The following HERPUD2 variants were observed in gnomAD, a reference collection of about 807,000 sequenced individuals.
HERPUD2 encodes the protein homocysteine-responsive endoplasmic reticulum-resident ubiquitin-like domain member 2 protein.
HERPUD2 carries 13 observed loss-of-function variants against 49.9 expected under a neutral mutation model. The observed-to-expected ratio is 0.26, with a 90% CI of 0.17 to 0.41. The LOEUF (loss-of-function observed/expected upper bound fraction) is 0.41, where lower values mean the gene tolerates loss of function less well. HERPUD2 is among the 10% of genes least tolerant of loss of function. The pLI is 1.00. For synonymous variants in HERPUD2, 172 were observed against 171.4 expected (o/e 1.00, Z -0.03); for missense variants, 449 against 492.2 (o/e 0.91, Z 0.83).
intron 6 of HERPUD2, 91 bp downstream of exon 6, chr7:35,638,259 A>C (rs1784902970): frequency 7.8e-7 from 1 of 1,289,092 alleles, no homozygotes; most frequent in Non-Finnish European, 1.1e-6. Context: ...ACATAAACAA[A>C]TGAAATGCCA....
chr7:35,686,675 C>T (rs1363178559), intron 2 of HERPUD2, among the ~76,000 whole-genome samples: 1 of 107,706 alleles, frequency 9.3e-6, no homozygotes, highest in African/African-American at 3.5e-5. Context: ...GCCGAGATCC[C>T]GCCACTGCAC....
rs566214404 is a variant in HERPUD2, at chr7:35,688,159, G to A, written c.147+6025C>T. ...TTTAAAGAGCTGGGTCCCAGGAAGT[G>A]CACAAAATATCATTTCTGTGGGAAA... is the stretch of plus-strand genomic sequence containing the variant. On this transcript the variant is annotated intron_variant, in intron 2 of 8. Coordinates refer to ENST00000311350, the MANE Select transcript of HERPUD2 (RefSeq NM_022373.5). Among the ~76,000 whole-genome samples, 3 of 152,244 alleles carry A rather than the reference G, an allele frequency of 2.0e-5. No homozygotes were observed. The South Asian group carries it at 6.2e-4, about 32-fold the overall frequency.
At chr7:35,689,473 T>G (rs1786135327) in intron 2 of HERPUD2, among the ~76,000 whole-genome samples, 1 of 152,214 alleles carries the variant, frequency 6.6e-6, no homozygotes, top group South Asian at 2.1e-4. Flanking sequence ...TAAAATGACC[T>G]AAGTAAGGTA....
At chr7:35,674,836 G>C (rs1785725987) in intron 2 of HERPUD2, among the ~76,000 whole-genome samples, 1 of 152,046 alleles carries the variant, frequency 6.6e-6, no homozygotes, top group Non-Finnish European at 1.5e-5. Context: ...AGAGTGGATG[G>C]GCCCAGAAAG....
At position 35,638,347 on chromosome 7, in the gene HERPUD2, T is replaced by C; in HGVS notation, c.617+3A>G. On this transcript the variant is annotated splice_donor_region_variant and intron_variant, in intron 6 of 8. Coordinates refer to ENST00000311350, the MANE Select transcript of HERPUD2 (RefSeq NM_022373.5). ...CTTAAAAAATGAACTCAGATTAACT[T>C]ACTACTGCATATAATACTGATGAGC... 6.3e-7 allele frequency: 1 copy of C among 1,585,542 alleles called. No homozygotes were observed. The highest frequency in any genetic ancestry group is 8.6e-7 in the Non-Finnish European group (1 of 1,162,270).
rs544572514 is a variant in HERPUD2 at position 35,694,610 on chromosome 7, T to G, written c.-280A>C. The G allele has an allele frequency of 4.5e-6, 2 of 448,522 alleles. No homozygotes were observed. The highest frequency in any genetic ancestry group is 4.1e-6 in the Non-Finnish European group (1 of 244,232). The allele number at this position is 448,522 out of a possible 1,614,324, so 27.8% of individuals were successfully genotyped here. ...GCCGGGCTCCGGACTGTGGAGGCCGTCGTGAGGAGAAAGGAAGCTATACGA... is the reference window on the plus strand; with the variant it reads ...GCCGGGCTCCGGACTGTGGAGGCCGGCGTGAGGAGAAAGGAAGCTATACGA... On this transcript the variant is annotated 5_prime_UTR_variant, in exon 2 of 9. Coordinates refer to ENST00000311350, the MANE Select transcript of HERPUD2 (RefSeq NM_022373.5).
At chr7:35,645,211 TACTG>T (rs1168313301) in intron 5 of HERPUD2, among the ~76,000 whole-genome samples, 21 of 152,320 alleles carry the variant, frequency 1.4e-4, no homozygotes, top group Admixed American at 9.2e-4. Context: ...TATATAAAAA[TACTG>T]ACTGTTTAAC....
chr7:35,641,287 C>T (rs959396907), intron 5 of HERPUD2, among the ~76,000 whole-genome samples: 3 of 151,868 alleles, frequency 2.0e-5, no homozygotes, highest in Non-Finnish European at 2.9e-5. Context: ...TGGAATAAGC[C>T]GTTAAAACAC....
rs370745686 is a variant in HERPUD2 at position 35,637,697 on chromosome 7, A to C, written c.617+653T>G. ...AATCCCATCCTCTCTACCGACTATG[A>C]GTGCTGAGAAGCACGTAGTAACAAA... is the stretch of plus-strand genomic sequence containing the variant. On this transcript the variant is annotated intron_variant, in intron 6 of 8. Coordinates refer to ENST00000311350, the MANE Select transcript of HERPUD2 (RefSeq NM_022373.5). Among the ~76,000 whole-genome samples, 29 of 152,342 alleles carry C rather than the reference A, an allele frequency of 1.9e-4. No homozygotes were observed. The East Asian group carries it at 4.8e-3, about 25-fold the overall frequency.
At chr7:35,663,828 A>T (rs1785482343) in intron 5 of HERPUD2, among the ~76,000 whole-genome samples, 1 of 152,092 alleles carries the variant, frequency 6.6e-6, no homozygotes, top group African/African-American at 2.4e-5. Context: ...AATACAGCAG[A>T]TGGGTCTTGA....
intron 3 of HERPUD2, among the ~76,000 whole-genome samples, chr7:35,671,687 G>A (rs1396981487): frequency 1.3e-5 from 2 of 151,968 alleles, no homozygotes; most frequent in African/African-American, 4.8e-5. Flanking sequence ...AAAAACAGTT[G>A]AAAGAACTAT....
chr7:35,688,547 G>T (rs1339565081), intron 2 of HERPUD2, among the ~76,000 whole-genome samples: 2 of 152,176 alleles, frequency 1.3e-5, no homozygotes, highest in Non-Finnish European at 2.9e-5. Flanking sequence ...AGATATGTGC[G>T]CTGCAGTCTT....
At chr7:35,635,861 C>T (rs1415967484) in intron 6 of HERPUD2, among the ~76,000 whole-genome samples, 1 of 152,136 alleles carries the variant, frequency 6.6e-6, no homozygotes, top group Admixed American at 6.5e-5. Flanking sequence ...CTCAGACCCA[C>T]GTTTTGAAAG....
chr7:35,679,509 GAGAA>G (rs369874102), intron 2 of HERPUD2, among the ~76,000 whole-genome samples: 181 of 152,282 alleles, frequency 1.2e-3, no homozygotes, highest in African/African-American at 4.0e-3. Context: ...CTTTTGAAAG[GAGAA>G]AGACAGACAC....
At chr7:35,687,587 C>T (rs1214100132) in intron 2 of HERPUD2, among the ~76,000 whole-genome samples, 1 of 152,242 alleles carries the variant, frequency 6.6e-6, no homozygotes, top group Non-Finnish European at 1.5e-5. Context: ...CTGCTACCCA[C>T]TTAACAGACA....
chr7:35,660,862 G>T (rs1583553175), intron 5 of HERPUD2, among the ~76,000 whole-genome samples: 1 of 151,964 alleles, frequency 6.6e-6, no homozygotes, highest in Non-Finnish European at 1.5e-5. Context: ...TATTTTGCTG[G>T]GCAGAAGCTC....
At chr7:35,676,196 A>T (rs541678034) in intron 2 of HERPUD2, among the ~76,000 whole-genome samples, 2 of 152,212 alleles carry the variant, frequency 1.3e-5, no homozygotes, top group South Asian at 2.1e-4. Context: ...TTTTTAAAAA[A>T]TTTTTCCCAG....
At chr7:35,658,785 T>C (rs918292327) in intron 5 of HERPUD2, among the ~76,000 whole-genome samples, 15 of 152,162 alleles carry the variant, frequency 9.9e-5, no homozygotes, top group African/African-American at 3.6e-4. Context: ...CCAAAAACAG[T>C]CAAGACTTAC....
intron 3 of HERPUD2, 118 bp downstream of exon 3, chr7:35,673,083 C>T: frequency 3.0e-6 from 2 of 655,914 alleles, no homozygotes; most frequent in South Asian, 2.2e-5. Context: ...CTTGTTACAC[C>T]ACGCAAAGGG....
Sources: allele counts gnomAD v4.1 joint callset (sites outside exome capture counted in the v4.1 genomes callset), GRCh38; gene constraint gnomAD v4.1.1; transcripts MANE v1.5; gene names NCBI Gene and HGNC (gene_info 2026-07-23, HGNC 2026-07-21).